Variants in PRKDC observed in about 807,000 individuals in gnomAD.
PRKDC encodes protein kinase, DNA-activated, catalytic subunit.
A neutral mutation model predicts 486.9 loss-of-function variants in PRKDC; 82 were observed. The observed-to-expected ratio is 0.17, with a 90% confidence interval of 0.14 to 0.20. The LOEUF (loss-of-function observed/expected upper bound fraction) is 0.20, where lower values mean the gene tolerates loss of function less well. PRKDC is among the 10% of genes least tolerant of loss of function. PRKDC has a pLI of 1.00. For missense variants in PRKDC, 4,504 were observed against 5,038.2 expected, an observed-to-expected ratio of 0.89 and a Z score of 3.21; for synonymous variants, 1,895 against 1,837.0, an observed-to-expected ratio of 1.03 and a Z score of -0.81.
Position 47,862,472 on chromosome 8 carries a change from G to A in PRKDC, c.5820C>T (p.Tyr1940=), listed in dbSNP as rs930599290. 4.3e-6 allele frequency: 7 copies of A among 1,613,784 alleles called. No individual in the cohort carries two copies. Among genetic ancestry groups the A allele is most frequent in the African/African-American group, 4.0e-5 (3 of 74,918 alleles). The change falls in exon 43 of 86, where the codon TAC becomes TAT. Residue 1940 remains tyrosine (Y), a synonymous_variant. Coordinates refer to ENST00000314191, the MANE Select transcript of PRKDC (RefSeq NM_006904.7). ...ENQLLERRRL[Y]HCAAYNCAIS... Reference sequence around the variant, plus strand: ...TGGCGCAGTTGTATGCTGCACAATGGTAAAGTCTTCTCCTCTCCAGCAGCT... The same window carrying A: ...TGGCGCAGTTGTATGCTGCACAATGATAAAGTCTTCTCCTCTCCAGCAGCT...
intron 68 of PRKDC, among the ~76,000 whole-genome samples, chr8:47,811,272 AG>A (rs979122487): frequency 6.9e-4 from 105 of 152,352 alleles, no homozygotes; most frequent in African/African-American, 1.9e-3. Flanking sequence ...AGATACTACA[AG>A]GGGCAGGGAG....
intron 58 of PRKDC, among the ~76,000 whole-genome samples, chr8:47,835,719 T>C (rs1475809253): frequency 1.3e-5 from 2 of 150,954 alleles, no homozygotes; most frequent in African/African-American, 4.9e-5. Context: ...TAAGGACATT[T>C]ACGCTGCTGT....
intron 69 of PRKDC, among the ~76,000 whole-genome samples, chr8:47,804,594 C>G (rs919892689): frequency 6.6e-6 from 1 of 152,090 alleles, no homozygotes; most frequent in Non-Finnish European, 1.5e-5. Flanking sequence ...GCCACTGCAC[C>G]CGGCTGGACA....
intron 38 of PRKDC, among the ~76,000 whole-genome samples, chr8:47,881,059 AAAG>A (rs2089203996): frequency 1.3e-5 from 2 of 148,888 alleles, no homozygotes; most frequent in Admixed American, 1.4e-4. Flanking sequence ...AAAAAAAAAA[AAAG>A]AAAGCAAGAA....
intron 25 of PRKDC, among the ~76,000 whole-genome samples, chr8:47,906,104 T>C (rs1048204642): frequency 6.6e-6 from 1 of 152,200 alleles, no homozygotes; most frequent in East Asian, 1.9e-4. Context: ...TCCCAGCATT[T>C]TGAGAGGCCA....
chr8:47,835,620 CAAAAAAAAAAAAAAAAA>C (rs71548446), intron 58 of PRKDC, among the ~76,000 whole-genome samples: 6 of 20,480 alleles, frequency 2.9e-4, no homozygotes, highest in East Asian at 1.8e-3. Context: ...GACTCTGTCT[CAAAAAAAAAAAAAAAAA>C]AAAAAAAAAA....
At chr8:47,911,594 G>T (rs2089904069) in intron 25 of PRKDC, among the ~76,000 whole-genome samples, 5 of 152,118 alleles carry the variant, frequency 3.3e-5, no homozygotes, top group Admixed American at 3.3e-4. Flanking sequence ...CATTTTGAAT[G>T]AGTTTTGCAT....
At chr8:47,934,470 GGTT>G (rs2090312707) in intron 14 of PRKDC, among the ~76,000 whole-genome samples, 1 of 152,204 alleles carries the variant, frequency 6.6e-6, no homozygotes, top group Non-Finnish European at 1.5e-5. Context: ...TGGAGGGGAA[GGTT>G]GCAGTGAGCC....
At chr8:47,946,331 C>T (rs2090531380) in intron 7 of PRKDC, among the ~76,000 whole-genome samples, 1 of 152,034 alleles carries the variant, frequency 6.6e-6, no homozygotes, top group African/African-American at 2.4e-5. Context: ...AAAAACCCCT[C>T]TCTTACCCCC....
In PRKDC at chr8:47,887,528, G is replaced by A. The variant is rs2089363647; in HGVS notation, c.4572+19C>T. 6.4e-7 allele frequency: 1 copy of A among 1,558,042 alleles called. No individual in the cohort carries two copies. Among genetic ancestry groups the A allele is most frequent in the Admixed American group, 2.0e-5 (1 of 50,916 alleles). ...TTCTATTATTAGGGGAGTGCAGCAT[G>A]CAGAGGCGTTTTTCCTACCAGTCCT... On this transcript the variant is annotated intron_variant, in intron 35 of 85. Coordinates refer to ENST00000314191, the MANE Select transcript of PRKDC (RefSeq NM_006904.7).
chr8:47,798,966 G>A (rs1420261260), intron 72 of PRKDC, among the ~76,000 whole-genome samples: 15 of 152,010 alleles, frequency 9.9e-5, no homozygotes, highest in Admixed American at 7.9e-4. Context: ...GGGCCACCAC[G>A]CCCAGCTAAT....
Position 47,918,290 on chromosome 8 carries a change from T to C in PRKDC, c.2513A>G (p.Lys838Arg), listed in dbSNP as rs1349323439. The change falls in exon 22 of 86, where the codon AAG (lysine) becomes AGG (arginine). Residue 838 changes from lysine (K) to arginine (R), a missense_variant. By Grantham distance (26) the Lys-to-Arg change is conservative. Coordinates refer to ENST00000314191, the MANE Select transcript of PRKDC (RefSeq NM_006904.7). ...KVVLKHLKKT[K>R]NLSSNEAISL... ...AGGACTTCTTACTGATGAAAGGTTCTTTGTCTTCTTCAGATGCTTTAACAC... is the reference window on the plus strand; with the variant it reads ...AGGACTTCTTACTGATGAAAGGTTCCTTGTCTTCTTCAGATGCTTTAACAC... 2.5e-6 allele frequency: 4 copies of C among 1,581,738 alleles called. No individual in the cohort carries two copies. Among genetic ancestry groups the C allele is most frequent in the Middle Eastern group, 3.3e-4 (2 of 6,012 alleles).
intron 54 of PRKDC, 106 bp from the exon 55 acceptor site, chr8:47,840,295 A>G: frequency 3.7e-6 from 3 of 805,878 alleles, no homozygotes; most frequent in Non-Finnish European, 5.8e-6. Flanking sequence ...TAGTTATAAT[A>G]GATAACGCTA....
rs114148396 is a variant in PRKDC, at chr8:47,855,828, T to G, written c.6610-455A>C. 4.9e-3 allele frequency among the ~76,000 whole-genome samples: 754 copies of G among 152,326 alleles called. 4 individuals carry two copies. Among genetic ancestry groups the G allele is most frequent in the African/African-American group, 0.017 (688 of 41,570 alleles). The stretch of plus-strand genomic sequence containing the variant: ...TCAATGGTGAGACGGCCCTTGTCTG[T>G]GCTAATCCATCTGGCTGCTGAGCAG... On this transcript the variant is annotated intron_variant, in intron 49 of 85. Transcript: ENST00000314191.
chr8:47,787,439 T>C (rs1387636905), intron 76 of PRKDC, among the ~76,000 whole-genome samples: 1 of 152,272 alleles, frequency 6.6e-6, no homozygotes, highest in Non-Finnish European at 1.5e-5. Flanking sequence ...AAAGACATAA[T>C]GCCCTTAAGG....
At position 47,777,781 on chromosome 8, in the gene PRKDC, T is replaced by C. The variant is rs1430846940; in HGVS notation, c.11947A>G (p.Ile3983Val). The C allele has an allele frequency of 2.5e-6, 4 of 1,613,934 alleles. No homozygotes were observed. The highest frequency in any genetic ancestry group is 1.7e-5 in the Admixed American group (1 of 60,004). The part of the protein sequence containing the change: ...PMKETGLMYS[I>V]MVHALRAFRS... ...AAGGCCCGGAGTGCGTGTACCATGATGCTGTACATAAGGCCCGTTTCTTTC... is the reference window on the plus strand; with the variant it reads ...AAGGCCCGGAGTGCGTGTACCATGACGCTGTACATAAGGCCCGTTTCTTTC... The change falls in exon 84 of 86, where the codon ATC (isoleucine) becomes GTC (valine). Residue 3983 changes from isoleucine to valine, a missense_variant. Physicochemically the swap from Ile to Val is conservative, Grantham distance 29 (BLOSUM62 3). Transcript: ENST00000314191.
chr8:47,828,448 C>T (rs1288502336), intron 61 of PRKDC, 101 bp from the exon 62 acceptor site: 1 of 944,454 alleles, frequency 1.1e-6, no homozygotes, highest in Non-Finnish European at 1.6e-6. Flanking sequence ...GTTGCAAACA[C>T]ATCTATTATA....
At chr8:47,918,202 A>AT in intron 22 of PRKDC, 75 bp downstream of exon 22, 1 of 995,086 alleles carries the variant, frequency 1.0e-6, no homozygotes. Context: ...TTAAATGAAG[A>AT]TTTTTACTTT....
intron 21 of PRKDC, among the ~76,000 whole-genome samples, chr8:47,922,865 G>C (rs1294664883): frequency 6.6e-6 from 1 of 152,190 alleles, no homozygotes; most frequent in African/African-American, 2.4e-5. Flanking sequence ...GACACCCTGG[G>C]AACTGGTGTT....
Sources: allele counts gnomAD v4.1 joint callset (sites outside exome capture counted in the v4.1 genomes callset), GRCh38; gene constraint gnomAD v4.1.1; transcripts MANE v1.5; gene names NCBI Gene and HGNC (gene_info 2026-07-23, HGNC 2026-07-21).